Variants in HMGXB3 observed in about 807,000 individuals in gnomAD.
The protein encoded by HMGXB3 is HMG domain-containing protein 3.
In HMGXB3, 45 loss-of-function variants were observed where a neutral mutation model predicts 121.5. The ratio of observed to expected loss-of-function variants is 0.37; its 90% CI spans 0.29 to 0.47. The LOEUF (loss-of-function observed/expected upper bound fraction) is 0.47, where lower values mean the gene tolerates loss of function less well. Among genes scored for constraint, HMGXB3 ranks in the 20% least tolerant of loss-of-function variants. HMGXB3 has a pLI of 0.99. For synonymous variants in HMGXB3, 590 were observed against 624.1 expected, an observed-to-expected ratio of 0.95 and a Z score of 0.81; for missense variants, 1,376 against 1,602.2, an observed-to-expected ratio of 0.86 and a Z score of 2.41.
intron 18 of HMGXB3, among the ~76,000 whole-genome samples, chr5:150,049,237 A>T (rs1756832957): frequency 6.6e-6 from 1 of 152,198 alleles, no homozygotes; most frequent in Non-Finnish European, 1.5e-5. Flanking sequence ...GATCACATAG[A>T]GCTCTCTAGG....
At chr5:150,014,294 ATTG>A (rs1226090924) in intron 5 of HMGXB3, among the ~76,000 whole-genome samples, 1 of 152,224 alleles carries the variant, frequency 6.6e-6, no homozygotes, top group Non-Finnish European at 1.5e-5. Flanking sequence ...CCAGGCACAT[ATTG>A]TTTTATGCAA....
chr5:150,022,645 A>G (rs1275214567), intron 6 of HMGXB3, among the ~76,000 whole-genome samples: 1 of 152,152 alleles, frequency 6.6e-6, no homozygotes, highest in Admixed American at 6.5e-5. Context: ...ATCTCAAAAA[A>G]TGAGTTTAGT....
intron 4 of HMGXB3, among the ~76,000 whole-genome samples, 171 bp downstream of exon 4, chr5:150,010,779 C>G (rs765456153): frequency 6.6e-6 from 1 of 152,208 alleles, no homozygotes; most frequent in Non-Finnish European, 1.5e-5. Context: ...TCCAGAGTTC[C>G]TTGAAATTTC....
intron 7 of HMGXB3, among the ~76,000 whole-genome samples, chr5:150,025,615 T>G (rs985663560): frequency 6.7e-6 from 1 of 149,408 alleles, no homozygotes; most frequent in African/African-American, 2.6e-5. Flanking sequence ...TCATTCAGTC[T>G]GGAGTGCAGT....
intron 1 of HMGXB3, among the ~76,000 whole-genome samples, chr5:150,003,747 C>T (rs1213175998): frequency 1.3e-5 from 2 of 151,808 alleles, no homozygotes; most frequent in Non-Finnish European, 2.9e-5. Context: ...GCAGATCGCC[C>T]GAGTCCAGGA....
intron 5 of HMGXB3, 85 bp downstream of exon 5, chr5:150,012,438 G>A (rs1205870577): frequency 1.2e-5 from 11 of 919,792 alleles, no homozygotes; most frequent in Non-Finnish European, 1.7e-5. Context: ...TTTTCTTTCT[G>A]AGCTACCAGT....
intron 13 of HMGXB3, among the ~76,000 whole-genome samples, chr5:150,037,972 T>G (rs1267420740): frequency 1.3e-5 from 2 of 152,186 alleles, no homozygotes; most frequent in Non-Finnish European, 2.9e-5. Flanking sequence ...TTTTTAAACT[T>G]AGGGGTACAT....
intron 6 of HMGXB3, among the ~76,000 whole-genome samples, chr5:150,020,208 C>T (rs1380024939): frequency 6.6e-6 from 1 of 152,202 alleles, no homozygotes; most frequent in Non-Finnish European, 1.5e-5. Flanking sequence ...TAATTATTAG[C>T]CCTACTATTG....
chr5:150,028,981 C>A (rs760177979), intron 9 of HMGXB3, among the ~76,000 whole-genome samples: 2 of 151,958 alleles, frequency 1.3e-5, no homozygotes, highest in Non-Finnish European at 2.9e-5. Flanking sequence ...CAGATATTAA[C>A]GTTTAGTTGT....
rs1292275930 is a variant in HMGXB3, at chr5:150,010,126, G to A, written c.328G>A (p.Ala110Thr). 6 of 1,551,192 alleles carry A rather than the reference G, an allele frequency of 3.9e-6. No homozygotes were observed. Among genetic ancestry groups the A allele is most frequent in the Non-Finnish European group, 4.4e-6 (5 of 1,146,750 alleles). Residue 110 changes from alanine (A) to threonine (T), a missense_variant, in exon 4 of 20, where the codon GCA (alanine) becomes ACA (threonine). Around this residue, in one of 2 missense-constraint regions of HMGXB3, gnomAD observed 1,116 missense variants for 1,369.0 expected, o/e 0.82. Transcript: ENST00000502717. ...TCATCCTCAGAACTCTAAGCTCTCT[G>A]CACTGACTGCTGTGGTTCCGGACAT... ...EGLDPNSKLS[A>T]LTAVVPDIPG... is the part of the protein sequence containing the mutation.
chr5:150,014,834 G>T, intron 5 of HMGXB3: 1 of 462,986 alleles, frequency 2.2e-6, no homozygotes, highest in Non-Finnish European at 3.8e-6. Flanking sequence ...ATTTCCCAGG[G>T]ATTAAAACTA....
rs113052729 is a variant in HMGXB3, at chr5:150,039,713, A to C, written c.2414-1035A>C. ...CTCTAGCCTGTCAGAATGTGATATC[A>C]GTTGTCTTTTACATTTGTACCTGGT... On this transcript the variant is annotated intron_variant, in intron 13 of 19. Transcript: ENST00000502717. Among the ~76,000 whole-genome samples, 1,039 of 151,980 alleles carry C rather than the reference A, an allele frequency of 6.8e-3. 16 individuals are homozygous for C. The highest frequency in any genetic ancestry group is 0.024 in the African/African-American group (995 of 41,396).
Position 150,027,032 on chromosome 5 carries a change from C to G in HMGXB3, c.1649C>G (p.Ser550Cys), listed in dbSNP as rs1013075277. 3.9e-6 allele frequency: 6 copies of G among 1,551,572 alleles called. No homozygotes were observed. In the African/African-American group the frequency reaches 6.8e-5, roughly 18 times the overall value. ...CTGGTTCTCTCAGATAAGACTCCCTCTGTGAGGACTTGTGGTCTGAAGCCA... is the reference window on the plus strand; with the variant it reads ...CTGGTTCTCTCAGATAAGACTCCCTGTGTGAGGACTTGTGGTCTGAAGCCA... The part of the protein sequence containing the change: ...QAFSLSDKTP[S>C]VRTCGLKPST... The change falls in exon 9 of 20, where the codon TCT becomes TGT. Residue 550 changes from serine (S) to cysteine (C), a missense_variant. Physicochemically the swap from Ser to Cys is moderately radical, Grantham distance 112. Coordinates refer to ENST00000502717, the MANE Select transcript of HMGXB3 (RefSeq NM_014983.3).
intron 3 of HMGXB3, among the ~76,000 whole-genome samples, chr5:150,008,671 A>G (rs1457281504): frequency 6.6e-6 from 1 of 152,222 alleles, no homozygotes; most frequent in East Asian, 1.9e-4. Context: ...TGCCAAGTGC[A>G]GGCTCCAGTG....
intron 1 of HMGXB3, among the ~76,000 whole-genome samples, chr5:150,001,864 C>T (rs1035199413): frequency 6.6e-6 from 1 of 152,178 alleles, no homozygotes; most frequent in Non-Finnish European, 1.5e-5. Flanking sequence ...CCATTCATTA[C>T]AGATGCTCTC....
chr5:150,001,492 A>C (rs557082774), intron 1 of HMGXB3, among the ~76,000 whole-genome samples: 1 of 152,322 alleles, frequency 6.6e-6, no homozygotes, highest in African/African-American at 2.4e-5. Context: ...TGGGACAGAG[A>C]AAGTGTCTCG....
chr5:150,010,942 G>T (rs1441552438), intron 4 of HMGXB3, among the ~76,000 whole-genome samples: 2 of 152,222 alleles, frequency 1.3e-5, no homozygotes, highest in Non-Finnish European at 2.9e-5. Context: ...TATCAGTCAG[G>T]ATTTTATGTT....
At position 150,010,497 on chromosome 5, in the gene HMGXB3, C is replaced by T; in HGVS notation, c.699C>T (p.Ser233=). 1 of 1,551,662 alleles carries T rather than the reference C, an allele frequency of 6.4e-7. No homozygotes were observed. Among genetic ancestry groups the T allele is most frequent in the Admixed American group, 2.0e-5 (1 of 51,008 alleles). The change falls in exon 4 of 20, where the codon AGC becomes AGT. Residue 233 remains serine, a synonymous_variant. Transcript: ENST00000502717. ...AGAGCCACCAACCTTACCAGACAAG[C>T]CTGGTAATTGAAGAGACCTTGGTGA... ...VGESHQPYQT[S]LVIEETLVNG...
chr5:150,045,329 C>T (rs767397793), intron 15 of HMGXB3, 137 bp from the exon 16 acceptor site: 31 of 701,456 alleles, frequency 4.4e-5, no homozygotes, highest in Non-Finnish European at 6.6e-5. Flanking sequence ...AATTCAAGGC[C>T]CTGTGGCAGT....
Sources: allele counts gnomAD v4.1 joint callset (sites outside exome capture counted in the v4.1 genomes callset), GRCh38; gene constraint gnomAD v4.1.1; regional missense constraint gnomAD v4.1.1; transcripts MANE v1.5; gene names NCBI Gene and HGNC (gene_info 2026-07-23, HGNC 2026-07-21).